The following NPAS3 variants were observed in gnomAD, a reference collection of about 807,000 sequenced individuals.
The protein encoded by NPAS3 is neuronal PAS domain-containing protein 3.
NPAS3 carries 14 observed loss-of-function variants against 73.1 expected under a neutral mutation model. The ratio of observed to expected loss-of-function variants is 0.19; its 90% CI spans 0.13 to 0.30. The LOEUF (loss-of-function observed/expected upper bound fraction) is 0.30. Ranked by LOEUF, NPAS3 falls within the 10% of genes least tolerant of loss-of-function variation. The pLI is 1.00. For synonymous variants in NPAS3, 620 were observed against 541.5 expected (o/e 1.14, Z -2.01); for missense variants, 1,096 against 1,250.0 (o/e 0.88, Z 1.86).
intron 4 of NPAS3, among the ~76,000 whole-genome samples, chr14:33,494,417 TG>T (rs1354601696): frequency 6.6e-6 from 1 of 152,144 alleles, no homozygotes; most frequent in Non-Finnish European, 1.5e-5. Flanking sequence ...CTTCCACAAA[TG>T]ATCCCTTGGG....
intron 3 of NPAS3, among the ~76,000 whole-genome samples, chr14:33,308,234 G>C (rs145226172): frequency 6.6e-6 from 1 of 152,220 alleles, no homozygotes; most frequent in East Asian, 1.9e-4. Flanking sequence ...GTGACAGTGA[G>C]AATGTGCCAT....
At chr14:33,316,926 A>T (rs1464299906) in intron 3 of NPAS3, among the ~76,000 whole-genome samples, 1 of 152,106 alleles carries the variant, frequency 6.6e-6, no homozygotes, top group Non-Finnish European at 1.5e-5. Context: ...TTATTCAAGC[A>T]AAGTATGGGA....
At chr14:33,439,166 G>A (rs1292523563) in intron 4 of NPAS3, among the ~76,000 whole-genome samples, 1 of 152,138 alleles carries the variant, frequency 6.6e-6, no homozygotes, top group Non-Finnish European at 1.5e-5. Context: ...ATAATTTTGT[G>A]AAGTAAATAG....
chr14:33,029,609 T>C (rs146185273), intron 1 of NPAS3, among the ~76,000 whole-genome samples: 1,892 of 152,326 alleles, frequency 0.012, 28 homozygotes, highest in Non-Finnish European at 0.016. Flanking sequence ...TCTAGTCTTT[T>C]GCTCAGACTC....
intron 3 of NPAS3, among the ~76,000 whole-genome samples, chr14:33,289,091 A>G (rs2041991847): frequency 6.6e-6 from 1 of 152,148 alleles, no homozygotes; most frequent in South Asian, 2.1e-4. Context: ...TATGTTGGAG[A>G]TGCCAAGTAC....
At chr14:33,439,033 T>C (rs1263096011) in intron 4 of NPAS3, among the ~76,000 whole-genome samples, 2 of 152,108 alleles carry the variant, frequency 1.3e-5, no homozygotes, top group East Asian at 3.8e-4. Context: ...AATTGTTCAA[T>C]TTCCAAACTT....
intron 1 of NPAS3, among the ~76,000 whole-genome samples, chr14:32,977,773 T>C (rs2037748792): frequency 6.6e-6 from 1 of 152,158 alleles, no homozygotes; most frequent in African/African-American, 2.4e-5. Flanking sequence ...TTCAGCAGTT[T>C]CTCTCAATAT....
At chr14:33,210,358 C>T (rs1262143315) in intron 2 of NPAS3, among the ~76,000 whole-genome samples, 1 of 152,018 alleles carries the variant, frequency 6.6e-6, no homozygotes, top group African/African-American at 2.4e-5. Context: ...AGTAGCACCC[C>T]TTTTTTCAAA....
At chr14:33,772,221 A>G (rs1337835575) in intron 7 of NPAS3, among the ~76,000 whole-genome samples, 1 of 152,190 alleles carries the variant, frequency 6.6e-6, no homozygotes, top group Non-Finnish European at 1.5e-5. Context: ...CGTTATCTCC[A>G]TTTCACAGAA....
intron 2 of NPAS3, among the ~76,000 whole-genome samples, chr14:33,143,848 T>C (rs2139193189): frequency 6.6e-6 from 1 of 152,360 alleles, no homozygotes; most frequent in African/African-American, 2.4e-5. Context: ...TTTCTTTCAC[T>C]GAGCCTAATG....
At chr14:33,733,603 A>G (rs890927196) in intron 6 of NPAS3, among the ~76,000 whole-genome samples, 2 of 152,234 alleles carry the variant, frequency 1.3e-5, no homozygotes, top group African/African-American at 4.8e-5. Flanking sequence ...TATATAGTGT[A>G]TTAAAAAGCT....
At chr14:33,802,658 C>T (rs1407221550), downstream of NPAS3, 2 of 152,106 alleles carry the variant, frequency 1.3e-5, no homozygotes, top group Non-Finnish European at 2.9e-5. Flanking sequence ...TTGTTTTGTC[C>T]TTTGTCTTAT....
At chr14:33,801,374 T>G (rs1195702267), downstream of NPAS3, 1 of 545,028 alleles carries the variant, frequency 1.8e-6, no homozygotes, top group African/African-American at 1.9e-5. Context: ...TGTTTTGCTT[T>G]CCTTTGCATC....
At chr14:33,424,768 T>C (rs973953274) in intron 4 of NPAS3, among the ~76,000 whole-genome samples, 1 of 151,600 alleles carries the variant, frequency 6.6e-6, no homozygotes, top group Non-Finnish European at 1.5e-5. Context: ...CATTGGATCA[T>C]ATTGAGTTTG....
At chr14:33,535,191 A>C (rs2140205596) in intron 4 of NPAS3, among the ~76,000 whole-genome samples, 1 of 152,294 alleles carries the variant, frequency 6.6e-6, no homozygotes, top group African/African-American at 2.4e-5. Context: ...AATATCACTT[A>C]CACCTTTACT....
intron 5 of NPAS3, among the ~76,000 whole-genome samples, chr14:33,624,427 A>G (rs1811381237): frequency 6.6e-6 from 1 of 152,176 alleles, no homozygotes; most frequent in Admixed American, 6.5e-5. Flanking sequence ...TCTGAAATTG[A>G]CATAAAATGT....
intron 3 of NPAS3, among the ~76,000 whole-genome samples, chr14:33,307,562 A>G (rs1273681805): frequency 1.7e-5 from 2 of 115,436 alleles, no homozygotes; most frequent in Non-Finnish European, 3.9e-5. Flanking sequence ...TGCCAACTGT[A>G]ACGTTTTTCA....
chr14:33,467,985 C>T lies in NPAS3; in HGVS notation c.469-92136C>T, dbSNP rs78877883. On this transcript the variant is annotated intron_variant, in intron 4 of 11. Transcript: ENST00000356141. Reference sequence around the variant, plus strand: ...TATTTCAGTCTTGAATTGAGCAAAACCCTTAAACTAGAACTGTGGGAACAG... The same window carrying T: ...TATTTCAGTCTTGAATTGAGCAAAATCCTTAAACTAGAACTGTGGGAACAG... 4.6e-3 allele frequency among the ~76,000 whole-genome samples: 703 copies of T among 152,224 alleles called. 4 individuals carry two copies. Among genetic ancestry groups the T allele is most frequent in the African/African-American group, 0.016 (661 of 41,540 alleles).
chr14:33,342,546 G>A (rs1385244113), intron 3 of NPAS3, among the ~76,000 whole-genome samples: 4 of 152,140 alleles, frequency 2.6e-5, no homozygotes, highest in African/African-American at 9.7e-5. Flanking sequence ...CTCTGCAGCA[G>A]GTCAGCTTTA....
Sources: gnomAD v4.1 joint callset for allele counts (sites outside exome capture counted in the v4.1 genomes callset) on GRCh38, gnomAD v4.1.1 for gene constraint, MANE v1.5 for transcripts, NCBI Gene and HGNC (gene_info 2026-07-23, HGNC 2026-07-21) for gene names.